RBM27: variants seen among roughly 807,000 people sequenced by gnomAD.
The protein encoded by RBM27 is RNA-binding protein 27.
In RBM27, 22 loss-of-function variants were observed where a neutral mutation model predicts 135.3. The observed-to-expected ratio is 0.16, with a 90% CI of 0.12 to 0.23. RBM27 has a LOEUF of 0.23. Ranked by LOEUF, RBM27 falls within the 10% of genes least tolerant of loss-of-function variation. The pLI, the probability that RBM27 is intolerant of heterozygous loss-of-function variation, is 1.00. For synonymous variants in RBM27, 481 were observed against 442.4 expected, an observed-to-expected ratio of 1.09 and a Z score of -1.10; for missense variants, 1,009 against 1,281.0, an observed-to-expected ratio of 0.79 and a Z score of 3.24.
chr5:146,280,351 G>A (rs1759284760), intron 19 of RBM27, among the ~76,000 whole-genome samples: 1 of 152,066 alleles, frequency 6.6e-6, no homozygotes, highest in Non-Finnish European at 1.5e-5. Flanking sequence ...CACCACGCCC[G>A]ACCTATTTCC....
intron 1 of RBM27, among the ~76,000 whole-genome samples, chr5:146,212,783 C>T (rs1756022473): frequency 6.6e-6 from 1 of 151,722 alleles, no homozygotes; most frequent in Non-Finnish European, 1.5e-5. Context: ...GATCTCAGTT[C>T]ACTGCAACCT....
chr5:146,246,169 A>G (rs1757615844), intron 8 of RBM27, among the ~76,000 whole-genome samples: 1 of 152,116 alleles, frequency 6.6e-6, no homozygotes, highest in East Asian at 1.9e-4. Flanking sequence ...ACACATAAAT[A>G]TGGCCAGTAT....
Position 146,261,802 on chromosome 5 carries a change from A to G in RBM27, c.2186A>G (p.Gln729Arg), listed in dbSNP as rs753806353. 1.2e-6 allele frequency: 2 copies of G among 1,614,120 alleles called. No homozygotes were observed. The highest frequency in any genetic ancestry group is 2.2e-5 in the South Asian group (2 of 91,084). The change falls in exon 13 of 21, where the codon CAG (glutamine) becomes CGG (arginine). Residue 729 changes from glutamine (Q) to arginine (R), a missense_variant. Physicochemically the swap from Gln to Arg is conservative, Grantham distance 43. This residue lies in a region of RBM27 where 355 missense variants were observed against 427.3 expected (regional missense o/e 0.83). Coordinates refer to ENST00000265271, the MANE Select transcript of RBM27 (RefSeq NM_018989.2). ...CCTTCAACAGTGCACGGAGGTATCCAGAAGGTAATCTGGTTCACTGGGAAT... is the reference window on the plus strand; with the variant it reads ...CCTTCAACAGTGCACGGAGGTATCCGGAAGGTAATCTGGTTCACTGGGAAT... ...SAPSTVHGGI[Q>R]KMMSKPQTSG...
intron 19 of RBM27, among the ~76,000 whole-genome samples, chr5:146,280,845 A>G (rs560060670): frequency 6.9e-6 from 1 of 144,610 alleles, no homozygotes; most frequent in African/African-American, 2.5e-5. Flanking sequence ...TTTGCAGTCT[A>G]TTTGTTTTAT....
chr5:146,237,411 C>G lies in RBM27; in HGVS notation c.1258C>G (p.Leu420Val). Residue 420 changes from leucine (L) to valine (V), a missense_variant, in exon 8 of 21, where the codon CTC becomes GTC. Leu to Val is a conservative substitution (Grantham distance 32). This residue lies in a region of RBM27 where 329 missense variants were observed against 368.1 expected (regional missense o/e 0.89). Transcript: ENST00000265271. ...ACTACCTCCTCCTTTACCCCAGAAC[C>G]TCCTTTACACAGTATCAGAACGTAA... ...TRLPPPLPQNLLYTVSERQPM... is the reference protein window; with the variant it reads ...TRLPPPLPQNVLYTVSERQPM... 2 of 1,614,030 alleles carry G rather than the reference C, an allele frequency of 1.2e-6. No individual in the cohort carries two copies. The highest frequency in any genetic ancestry group is 1.7e-6 in the Non-Finnish European group (2 of 1,179,916).
In RBM27 at chr5:146,260,938, A is replaced by G. The variant is rs902668792; in HGVS notation, c.1893+40A>G. 7 of 1,568,726 alleles carry G rather than the reference A, an allele frequency of 4.5e-6. No individual in the cohort carries two copies. In the African/African-American group the frequency reaches 6.8e-5, roughly 15 times the overall value. On this transcript the variant is annotated intron_variant, in intron 12 of 20. Transcript: ENST00000265271. Reference sequence around the variant, plus strand: ...GTCAGTGACAGAATCCAGGCATTTTATGGGTCTTGGGAATATTTCTATCAG... The same window carrying G: ...GTCAGTGACAGAATCCAGGCATTTTGTGGGTCTTGGGAATATTTCTATCAG...
chr5:146,237,499 T>C, intron 8 of RBM27, 67 bp downstream of exon 8: 1 of 1,498,226 alleles, frequency 6.7e-7, no homozygotes, highest in Admixed American at 1.9e-5. Context: ...CATATCAGTA[T>C]AACCCTTTAA....
chr5:146,204,850 T>A (rs930842044), intron 1 of RBM27, among the ~76,000 whole-genome samples: 1 of 152,058 alleles, frequency 6.6e-6, no homozygotes, highest in East Asian at 1.9e-4. Context: ...TTAGTAGAAA[T>A]GTTATTGGGA....
chr5:146,221,160 A>T (rs1756448136), intron 2 of RBM27, among the ~76,000 whole-genome samples: 1 of 152,048 alleles, frequency 6.6e-6, no homozygotes, highest in African/African-American at 2.4e-5. Flanking sequence ...AAAAAAAAAA[A>T]AGTTAGAAAG....
intron 19 of RBM27, among the ~76,000 whole-genome samples, chr5:146,284,406 C>T (rs1195117837): frequency 6.6e-6 from 1 of 152,114 alleles, no homozygotes; most frequent in Non-Finnish European, 1.5e-5. Context: ...TTACCTGACA[C>T]AGATATAAAC....
rs1277193763 is a variant in RBM27 at position 146,288,976 on chromosome 5, T to C, written c.*2946T>C. The C allele has an allele frequency of 6.6e-6, 1 of 152,114 alleles. No individual in the cohort carries two copies. The highest frequency in any genetic ancestry group is 1.5e-5 in the Non-Finnish European group (1 of 67,948). The allele number at this position is 152,114 out of a possible 1,614,324, so 9.4% of individuals were successfully genotyped here. A position where few individuals can be genotyped will look rare whatever the true frequency, so the allele number is the denominator to read the frequency against. ...TTATAGTTTTTACAAAATTGTGAACTTGTGTAATAGTATAATAGGAGATAT... is the reference window on the plus strand; with the variant it reads ...TTATAGTTTTTACAAAATTGTGAACCTGTGTAATAGTATAATAGGAGATAT... On this transcript the variant is annotated 3_prime_UTR_variant, in exon 21 of 21. Coordinates refer to ENST00000265271, the MANE Select transcript of RBM27 (RefSeq NM_018989.2).
chr5:146,275,932 T>A (rs1759074118), intron 19 of RBM27, among the ~76,000 whole-genome samples: 2 of 152,240 alleles, frequency 1.3e-5, no homozygotes, highest in South Asian at 4.1e-4. Flanking sequence ...GATTGATCAA[T>A]TCAGAAATTC....
At position 146,206,578 on chromosome 5, in the gene RBM27, T is replaced by C. The variant is rs145652205; in HGVS notation, c.59+2754T>C. On this transcript the variant is annotated intron_variant, in intron 1 of 20. Coordinates refer to ENST00000265271, the MANE Select transcript of RBM27 (RefSeq NM_018989.2). ...AAAAAAAAGGCTAAAATACTTTATT[T>C]GTTTGTTTATTTATTTATTGAGATG... Among the ~76,000 whole-genome samples, 788 of 151,784 alleles carry C rather than the reference T, an allele frequency of 5.2e-3. 22 individuals are homozygous for C. The highest frequency in any genetic ancestry group is 0.047 in the Admixed American group (708 of 15,202).
chr5:146,228,917 T>A, intron 3 of RBM27, 29 bp from the exon 4 acceptor site: 2 of 1,597,354 alleles, frequency 1.3e-6, no homozygotes, highest in Middle Eastern at 3.3e-4. Context: ...CTGGCCCTGC[T>A]CTTACTTCTA....
chr5:146,224,924 A>G (rs1224165836), intron 3 of RBM27, among the ~76,000 whole-genome samples: 1 of 152,086 alleles, frequency 6.6e-6, no homozygotes, highest in East Asian at 1.9e-4. Flanking sequence ...TTGAGTAGTG[A>G]GTCACATACT....
chr5:146,284,393 C>G (rs985251015), intron 19 of RBM27, among the ~76,000 whole-genome samples: 3 of 152,150 alleles, frequency 2.0e-5, no homozygotes, highest in Non-Finnish European at 1.5e-5. Flanking sequence ...CAGATGCTAA[C>G]ATTTACCTGA....
intron 1 of RBM27, among the ~76,000 whole-genome samples, chr5:146,207,956 T>TG (rs1282103909): frequency 2.9e-4 from 41 of 142,280 alleles, no homozygotes; most frequent in Non-Finnish European, 5.2e-4. Flanking sequence ...AACAGGTTTT[T>TG]TTTTTTTTTT....
chr5:146,271,217 A>G (rs970304876), intron 18 of RBM27, among the ~76,000 whole-genome samples, 159 bp downstream of exon 18: 1 of 152,086 alleles, frequency 6.6e-6, no homozygotes, highest in Non-Finnish European at 1.5e-5. Flanking sequence ...CCTGACCAAC[A>G]TGGAGAAACC....
Position 146,217,464 on chromosome 5 carries a change from G to GTTTTTTTTTTTTTTT in RBM27, c.60-1508_60-1494dup, listed in dbSNP as rs545963169. Among the ~76,000 whole-genome samples the GTTTTTTTTTTTTTTT allele has an allele frequency of 8.5e-5, 6 of 70,768 alleles. 2 individuals are homozygous for GTTTTTTTTTTTTTTT. Among genetic ancestry groups the GTTTTTTTTTTTTTTT allele is most frequent in the African/African-American group, 3.6e-4 (6 of 16,492 alleles). The allele number at this position is 70,768 out of a possible 152,430, so 46.4% of individuals were successfully genotyped here. ...GATTGATACTCTTGAGCTGAAGCCTGTTTTTTTTTTTTTTTTTTTTTTTTT... is the reference window on the plus strand; with the variant it reads ...GATTGATACTCTTGAGCTGAAGCCTGTTTTTTTTTTTTTTTTTTTTTTTTTTTTTTTTTTTTTTTT... On this transcript the variant is annotated intron_variant, in intron 1 of 20. Coordinates refer to ENST00000265271, the MANE Select transcript of RBM27 (RefSeq NM_018989.2).
Sources: allele counts gnomAD v4.1 joint callset (sites outside exome capture counted in the v4.1 genomes callset), GRCh38; gene constraint gnomAD v4.1.1; regional missense constraint gnomAD v4.1.1; transcripts MANE v1.5; gene names NCBI Gene and HGNC (gene_info 2026-07-23, HGNC 2026-07-21).